PRICKLE1: variants seen among roughly 807,000 people sequenced by gnomAD.
PRICKLE1 encodes prickle-like protein 1.
In PRICKLE1, 14 loss-of-function variants were observed where a neutral mutation model predicts 70.2. That is an observed-to-expected ratio of 0.20 (90% CI 0.13 to 0.31). PRICKLE1 has a LOEUF of 0.31. PRICKLE1 is among the 10% of genes least tolerant of loss of function. The pLI, the probability that PRICKLE1 is intolerant of heterozygous loss-of-function variation, is 1.00. For synonymous variants in PRICKLE1, 357 were observed against 379.9 expected (o/e 0.94, Z 0.70); for missense variants, 821 against 1,026.2 (o/e 0.80, Z 2.73).
intron 1 of PRICKLE1, among the ~76,000 whole-genome samples, chr12:42,559,972 T>C (rs1354149058): frequency 1.3e-5 from 2 of 151,926 alleles, no homozygotes; most frequent in African/African-American, 2.4e-5. Flanking sequence ...TCCCTAAACA[T>C]TATTTCACAA....
intron 1 of PRICKLE1, among the ~76,000 whole-genome samples, chr12:42,537,920 CACCTATAGATAACAAA>C (rs1486021868): frequency 6.6e-6 from 1 of 152,184 alleles, no homozygotes; most frequent in Non-Finnish European, 1.5e-5. Context: ...TGAAACCTAT[CACCTATAGATAACAAA>C]ACTGAGGCAA....
chr12:42,462,034 G>A (rs555116853), intron 7 of PRICKLE1, among the ~76,000 whole-genome samples: 1 of 152,168 alleles, frequency 6.6e-6, no homozygotes, highest in South Asian at 2.1e-4. Context: ...TCCTGACCTC[G>A]TGATCTGCCC....
chr12:42,464,182 A>T lies in PRICKLE1; in HGVS notation c.1639+213T>A, dbSNP rs1937979009. Among the ~76,000 whole-genome samples the T allele has an allele frequency of 6.6e-6, 1 of 151,852 alleles. No homozygotes were observed. The highest frequency in any genetic ancestry group is 1.5e-5 in the Non-Finnish European group (1 of 67,952). On this transcript the variant is annotated intron_variant, in intron 7 of 7. Transcript: ENST00000345127. The surrounding 1 kb of genome is among the most constrained non-coding windows in gnomAD (Gnocchi z 4.2). ...TAGCTGGGATCACAGGCCCATGCCC[A>T]GCTAATTTTTGTATTTTTAGTAGAG...
intron 3 of PRICKLE1, 95 bp from the exon 4 acceptor site, chr12:42,469,682 G>T (rs759037783): frequency 3.6e-5 from 55 of 1,533,736 alleles, no homozygotes; most frequent in Non-Finnish European, 4.7e-5. Context: ...AAGTGAAACA[G>T]TAAGTTTAGC....
At chr12:42,531,937 C>T (rs534587551) in intron 1 of PRICKLE1, among the ~76,000 whole-genome samples, 156 of 152,140 alleles carry the variant, frequency 1.0e-3, no homozygotes, top group Non-Finnish European at 1.8e-3. Flanking sequence ...GTGGGAAGAT[C>T]GCTTGAACCC....
chr12:42,553,973 T>A (rs1352226644), intron 1 of PRICKLE1, among the ~76,000 whole-genome samples: 1 of 151,988 alleles, frequency 6.6e-6, no homozygotes, highest in Non-Finnish European at 1.5e-5. Context: ...GCATGGTGGC[T>A]GGCGCCTGTA....
Position 42,458,256 on chromosome 12 carries a change from T to C in PRICKLE1, c.*1553A>G, listed in dbSNP as rs1046167228. 2 of 152,210 alleles carry C rather than the reference T, an allele frequency of 1.3e-5. No homozygotes were observed. The highest frequency in any genetic ancestry group is 2.9e-5 in the Non-Finnish European group (2 of 68,030). The allele number at this position is 152,210 out of a possible 1,614,324, so 9.4% of individuals were successfully genotyped here. A position where few individuals can be genotyped will look rare whatever the true frequency, so the allele number is the denominator to read the frequency against. On this transcript the variant is annotated 3_prime_UTR_variant, in exon 8 of 8. Coordinates refer to ENST00000345127, the MANE Select transcript of PRICKLE1 (RefSeq NM_153026.3). The stretch of plus-strand genomic sequence containing the variant: ...GACACACGAGACAAATGGAGGTCTG[T>C]TAATGGTAGGGCAACTGCAAAATAA...
intron 1 of PRICKLE1, among the ~76,000 whole-genome samples, chr12:42,536,949 T>A (rs1940025517): frequency 6.6e-6 from 1 of 152,192 alleles, no homozygotes; most frequent in Admixed American, 6.5e-5. Context: ...TAATTAGCAA[T>A]GCTCTTAAAT....
At chr12:42,511,153 C>T (rs1939506603) in intron 1 of PRICKLE1, among the ~76,000 whole-genome samples, 1 of 152,184 alleles carries the variant, frequency 6.6e-6, no homozygotes, top group South Asian at 2.1e-4. Flanking sequence ...GCCTGCAGGG[C>T]AGTCAAGGAT....
At chr12:42,521,851 A>C (rs1939713483) in intron 1 of PRICKLE1, among the ~76,000 whole-genome samples, 1 of 150,316 alleles carries the variant, frequency 6.7e-6, no homozygotes, top group Non-Finnish European at 1.5e-5. Flanking sequence ...GAGTGAAACC[A>C]CTCCTCTTAG....
intron 1 of PRICKLE1, among the ~76,000 whole-genome samples, chr12:42,578,500 C>T (rs2120784424): frequency 6.6e-6 from 1 of 152,176 alleles, no homozygotes; most frequent in East Asian, 1.9e-4. Context: ...TAGATGATTA[C>T]ATTTCCTTGA....
At chr12:42,583,393 G>T (rs1033821272) in intron 1 of PRICKLE1, among the ~76,000 whole-genome samples, 6 of 152,116 alleles carry the variant, frequency 3.9e-5, no homozygotes, top group Admixed American at 3.3e-4. Context: ...CTCCAAGAAG[G>T]TTTGCTTAAC....
intron 1 of PRICKLE1, among the ~76,000 whole-genome samples, chr12:42,527,961 ATATATATATATCTCCAAAGTTT>A (rs1939841861): frequency 1.2e-4 from 2 of 17,288 alleles, no homozygotes; most frequent in African/African-American, 2.7e-4. Context: ...ATATATATAT[ATATATATATATCTCCAAAGTTT>A]TATATACTAT....
At chr12:42,527,428 C>T (rs533003247) in intron 1 of PRICKLE1, among the ~76,000 whole-genome samples, 8 of 152,266 alleles carry the variant, frequency 5.3e-5, no homozygotes, top group Admixed American at 2.0e-4. Context: ...CTACCATCCC[C>T]GCCCAGCCTA....
intron 1 of PRICKLE1, among the ~76,000 whole-genome samples, chr12:42,514,697 A>T (rs1297228180): frequency 6.6e-6 from 1 of 151,372 alleles, no homozygotes; most frequent in South Asian, 2.1e-4. Flanking sequence ...TTTAAACCTA[A>T]TTTTTTTTTA....
rs567526339 is a variant in PRICKLE1 at position 42,475,869 on chromosome 12, G to A, written c.-48-3305C>T. ...AGCATTTGGGAGGCTGGGGGGGGGC[G>A]GGGGCAGACCACCTGAGGTCAGGAG... On this transcript the variant is annotated intron_variant, in intron 1 of 7. Transcript: ENST00000345127. 9.2e-4 allele frequency among the ~76,000 whole-genome samples: 139 copies of A among 151,208 alleles called. 1 individual carries two copies. Among genetic ancestry groups the A allele is most frequent in the Non-Finnish European group, 1.5e-3 (100 of 67,824 alleles).
intron 1 of PRICKLE1, among the ~76,000 whole-genome samples, chr12:42,474,538 C>T (rs1362947069): frequency 1.3e-5 from 2 of 152,212 alleles, no homozygotes; most frequent in Non-Finnish European, 2.9e-5. Flanking sequence ...AACAAGGCAT[C>T]ATTTCACACA....
rs1939318841 is a variant in PRICKLE1, at chr12:42,501,996, T to G, written c.-48-29432A>C. On this transcript the variant is annotated intron_variant, in intron 1 of 7. Coordinates refer to ENST00000345127, the MANE Select transcript of PRICKLE1 (RefSeq NM_153026.3). ...TTCGAAGAAGGTGGGCTGGGACTTTTGCCATGCTACTTCTAGAAGCCCGTC... is the reference window on the plus strand; with the variant it reads ...TTCGAAGAAGGTGGGCTGGGACTTTGGCCATGCTACTTCTAGAAGCCCGTC... Among the ~76,000 whole-genome samples the G allele has an allele frequency of 2.0e-5, 3 of 152,278 alleles. No homozygotes were observed. The South Asian group carries it at 6.2e-4, about 32-fold the overall frequency.
intron 7 of PRICKLE1, among the ~76,000 whole-genome samples, chr12:42,462,411 G>A (rs895213665): frequency 1.3e-5 from 2 of 152,074 alleles, no homozygotes; most frequent in African/African-American, 2.4e-5. Context: ...ATGTTGGCCA[G>A]GCTGGTCTCG....
Sources: gnomAD v4.1 joint callset for allele counts (sites outside exome capture counted in the v4.1 genomes callset) on GRCh38, gnomAD v4.1.1 for gene constraint, Gnocchi (gnomAD v3.1) non-coding constraint, MANE v1.5 for transcripts, NCBI Gene and HGNC (gene_info 2026-07-23, HGNC 2026-07-21) for gene names.